The following CTNNBL1 variants were observed in gnomAD, a reference collection of about 807,000 sequenced individuals.
CTNNBL1 encodes beta-catenin-like protein 1.
A neutral mutation model predicts 72.7 loss-of-function variants in CTNNBL1; 31 were observed. The observed-to-expected ratio is 0.43, with a 90% CI of 0.32 to 0.58. The LOEUF is 0.58. Ranked by LOEUF, CTNNBL1 falls within the 20% of genes least tolerant of loss-of-function variation. The pLI is 0.08. For missense variants in CTNNBL1, 534 were observed against 725.1 expected, an observed-to-expected ratio of 0.74 and a Z score of 3.03; for synonymous variants, 240 against 267.3, an observed-to-expected ratio of 0.90 and a Z score of 1.00.
At chr20:37,816,657 T>G (rs2072062092) in intron 11 of CTNNBL1, among the ~76,000 whole-genome samples, 1 of 152,188 alleles carries the variant, frequency 6.6e-6, no homozygotes, top group South Asian at 2.1e-4. Context: ...CTTCTACATT[T>G]CTTATACTTT....
intron 15 of CTNNBL1, among the ~76,000 whole-genome samples, chr20:37,862,590 G>A (rs992170336): frequency 6.6e-6 from 1 of 152,140 alleles, no homozygotes; most frequent in Non-Finnish European, 1.5e-5. Context: ...ATACTGAGTG[G>A]ATGATTGTTG....
chr20:37,855,194 A>C (rs546755689), intron 13 of CTNNBL1, among the ~76,000 whole-genome samples: 72 of 149,564 alleles, frequency 4.8e-4, no homozygotes, highest in African/African-American at 1.7e-3. Context: ...CTCTGAGTTG[A>C]CTTTTCTGTG....
chr20:37,785,698 A>G (rs1017028630), intron 10 of CTNNBL1, among the ~76,000 whole-genome samples: 12 of 152,206 alleles, frequency 7.9e-5, no homozygotes, highest in African/African-American at 2.4e-4. Flanking sequence ...TGAATTTTTT[A>G]TCTGAAAGCT....
At chr20:37,731,172 ATTAT>A (rs1283897415) in intron 1 of CTNNBL1, among the ~76,000 whole-genome samples, 5 of 151,864 alleles carry the variant, frequency 3.3e-5, no homozygotes, top group African/African-American at 1.2e-4. Context: ...ACAGTTCATT[ATTAT>A]TTATTATATT....
chr20:37,762,147 G>A (rs1434246199), intron 5 of CTNNBL1, among the ~76,000 whole-genome samples: 4 of 152,150 alleles, frequency 2.6e-5, no homozygotes, highest in African/African-American at 9.7e-5. Context: ...GAAGCTAAAA[G>A]GTTACAGCTA....
intron 10 of CTNNBL1, among the ~76,000 whole-genome samples, chr20:37,781,028 T>G (rs907395686): frequency 3.9e-5 from 6 of 152,168 alleles, no homozygotes; most frequent in Non-Finnish European, 1.5e-5. Context: ...TGACCAAAAG[T>G]CTTCCTTTGA....
At chr20:37,787,341 GTGTTT>G (rs1568780466) in intron 10 of CTNNBL1, among the ~76,000 whole-genome samples, 2 of 86,650 alleles carry the variant, frequency 2.3e-5, no homozygotes, top group African/African-American at 7.1e-5. Flanking sequence ...ACATAACTGT[GTGTTT>G]TTTTTTTTTT....
intron 7 of CTNNBL1, among the ~76,000 whole-genome samples, chr20:37,774,667 GC>G (rs2122683437): frequency 6.6e-6 from 1 of 152,310 alleles, no homozygotes; most frequent in African/African-American, 2.4e-5. Context: ...AAGAAACTCA[GC>G]TGGTCGGTGC....
chr20:37,774,700 C>T (rs1424577454), intron 7 of CTNNBL1, among the ~76,000 whole-genome samples: 1 of 152,094 alleles, frequency 6.6e-6, no homozygotes, highest in Admixed American at 6.5e-5. Context: ...ACACCAGTTC[C>T]CTTAGTACAG....
At chr20:37,810,965 A>G (rs1234447929) in intron 11 of CTNNBL1, among the ~76,000 whole-genome samples, 1 of 152,248 alleles carries the variant, frequency 6.6e-6, no homozygotes, top group Non-Finnish European at 1.5e-5. Context: ...ACAAGTGAAG[A>G]TTAAATGAAA....
intron 11 of CTNNBL1, among the ~76,000 whole-genome samples, chr20:37,822,422 A>T (rs2072116774): frequency 6.6e-6 from 1 of 152,224 alleles, no homozygotes; most frequent in Admixed American, 6.5e-5. Flanking sequence ...TTGGGAATGC[A>T]TCTTGGATTC....
intron 7 of CTNNBL1, among the ~76,000 whole-genome samples, chr20:37,773,408 A>G (rs1471508411): frequency 6.6e-6 from 1 of 152,218 alleles, no homozygotes; most frequent in African/African-American, 2.4e-5. Context: ...ATTTTATTCA[A>G]GGCTAGTACA....
chr20:37,777,556 CTGTAT>C, intron 8 of CTNNBL1, 93 bp from the exon 9 acceptor site: 4 of 1,396,218 alleles, frequency 2.9e-6, no homozygotes, highest in Non-Finnish European at 4.1e-6. Context: ...CTCTGTCAAG[CTGTAT>C]TGATTTTGTT....
chr20:37,737,280 G>A (rs2073179286), intron 2 of CTNNBL1, 98 bp from the exon 3 acceptor site: 3 of 807,554 alleles, frequency 3.7e-6, no homozygotes, highest in Non-Finnish European at 6.2e-6. Context: ...AAAGGTCAAT[G>A]GCAGAGTGAG....
intron 13 of CTNNBL1, among the ~76,000 whole-genome samples, chr20:37,855,413 AT>A (rs2072431200): frequency 6.6e-6 from 1 of 152,212 alleles, no homozygotes. Context: ...TTTTTCAAAA[AT>A]AATTTCATAT....
At chr20:37,827,818 C>G (rs994610792) in intron 11 of CTNNBL1, among the ~76,000 whole-genome samples, 22 of 152,192 alleles carry the variant, frequency 1.4e-4, no homozygotes, top group African/African-American at 4.1e-4. Flanking sequence ...CATCAACCAT[C>G]ATGCAGGGCC....
At chr20:37,772,060 T>G (rs758302174) in intron 7 of CTNNBL1, among the ~76,000 whole-genome samples, 6 of 152,242 alleles carry the variant, frequency 3.9e-5, no homozygotes. Context: ...CTCGCCCTCA[T>G]GGAGCATCTT....
chr20:37,851,871 T>C (rs1218837455), intron 13 of CTNNBL1, among the ~76,000 whole-genome samples: 2 of 152,208 alleles, frequency 1.3e-5, no homozygotes, highest in African/African-American at 2.4e-5. Context: ...AAAGAACTAA[T>C]AGAGAAGGCC....
intron 13 of CTNNBL1, among the ~76,000 whole-genome samples, chr20:37,857,462 G>A (rs2072452927): frequency 6.6e-6 from 1 of 152,200 alleles, no homozygotes; most frequent in Non-Finnish European, 1.5e-5. Flanking sequence ...TGTAACCCTA[G>A]ACCTCTCAGA....
Sources: gnomAD v4.1 joint callset for allele counts (sites outside exome capture counted in the v4.1 genomes callset) on GRCh38, gnomAD v4.1.1 for gene constraint, MANE v1.5 for transcripts, NCBI Gene and HGNC (gene_info 2026-07-23, HGNC 2026-07-21) for gene names.